The following PRKDC variants were observed in gnomAD, a reference collection of about 807,000 sequenced individuals.
The protein encoded by PRKDC is DNA-dependent protein kinase catalytic subunit.
PRKDC carries 82 observed loss-of-function variants against 486.9 expected under a neutral mutation model. The observed-to-expected ratio is 0.17, with a 90% CI of 0.14 to 0.20. The LOEUF (loss-of-function observed/expected upper bound fraction) is 0.20. Ranked by LOEUF, PRKDC falls within the 10% of genes least tolerant of loss-of-function variation. PRKDC has a pLI of 1.00. For missense variants in PRKDC, 4,504 were observed against 5,038.2 expected (o/e 0.89, Z 3.21); for synonymous variants, 1,895 against 1,837.0 (o/e 1.03, Z -0.81).
chr8:47,799,113 T>C (rs1479081950), intron 72 of PRKDC, 97 bp downstream of exon 72: 2 of 1,441,586 alleles, frequency 1.4e-6, no homozygotes, highest in Non-Finnish European at 9.4e-7. Context: ...ATATTTGTAA[T>C]TTGAAAACAA....
At chr8:47,829,905 A>G (rs1197900220) in intron 61 of PRKDC, among the ~76,000 whole-genome samples, 1 of 152,224 alleles carries the variant, frequency 6.6e-6, no homozygotes, top group Non-Finnish European at 1.5e-5. Flanking sequence ...AACATCATTT[A>G]TCACAGAACT....
intron 28 of PRKDC, among the ~76,000 whole-genome samples, 193 bp downstream of exon 28, chr8:47,900,180 A>C (rs981662722): frequency 6.6e-6 from 1 of 152,244 alleles, no homozygotes; most frequent in Non-Finnish European, 1.5e-5. Context: ...TGGTGAGTCA[A>C]AGAAAATAAG....
intron 40 of PRKDC, among the ~76,000 whole-genome samples, chr8:47,868,878 C>T (rs995087429): frequency 1.3e-5 from 2 of 152,194 alleles, no homozygotes; most frequent in Non-Finnish European, 2.9e-5. Context: ...AGGAAAAGCA[C>T]AGTGACGGGG....
intron 47 of PRKDC, 64 bp downstream of exon 47, chr8:47,858,785 T>C (rs1404283011): frequency 2.6e-6 from 4 of 1,540,938 alleles, no homozygotes; most frequent in African/African-American, 2.8e-5. Flanking sequence ...CAATATTAAA[T>C]GTTCATTCTC....
At position 47,895,201 on chromosome 8, in the gene PRKDC, C is replaced by T. The variant is rs1309254703; in HGVS notation, c.3599-1814G>A. On this transcript the variant is annotated intron_variant, in intron 30 of 85. Transcript: ENST00000314191. The stretch of plus-strand genomic sequence containing the variant: ...ACATAGTGAGACTTTGTCTCTAAAA[C>T]TGAAAAGGAAAAAAATAAAAGAAAA... Among the ~76,000 whole-genome samples the T allele has an allele frequency of 4.6e-5, 7 of 151,888 alleles. No individual in the cohort carries two copies. The South Asian group carries it at 1.5e-3, about 32-fold the overall frequency.
chr8:47,829,469 T>C (rs972788081), intron 61 of PRKDC, among the ~76,000 whole-genome samples: 3 of 152,190 alleles, frequency 2.0e-5, no homozygotes, highest in African/African-American at 4.8e-5. Context: ...TTTAAGATTA[T>C]ACTTAATATT....
chr8:47,889,236 T>C lies in PRKDC; in HGVS notation c.4072-14A>G. 1 of 1,580,792 alleles carries C rather than the reference T, an allele frequency of 6.3e-7. No homozygotes were observed. The highest frequency in any genetic ancestry group is 2.2e-5 in the East Asian group (1 of 44,476). On this transcript the variant is annotated splice_polypyrimidine_tract_variant and intron_variant, in intron 32 of 85. Transcript: ENST00000314191. ...CTTCTTCAGGAGCTGTAACAGATTG[T>C]TTGATAAAAACACTTCGTCAGCCAG...
At chr8:47,953,266 C>G (rs1204988788) in intron 7 of PRKDC, among the ~76,000 whole-genome samples, 4 of 152,154 alleles carry the variant, frequency 2.6e-5, no homozygotes, top group Admixed American at 2.6e-4. Flanking sequence ...AAGAAAGTAC[C>G]ACTGCACTCC....
rs2090286770 is a variant in PRKDC, at chr8:47,933,180, T to A, written c.1624-8A>T. Reference sequence around the variant, plus strand: ...ATCTGCTAAAATAGAATCCTTTAAATAAAGAAAAACAATAAACTTCAAAAT... The same window carrying A: ...ATCTGCTAAAATAGAATCCTTTAAAAAAAGAAAAACAATAAACTTCAAAAT... On this transcript the variant is annotated splice_polypyrimidine_tract_variant and splice_region_variant and intron_variant, in intron 15 of 85. Transcript: ENST00000314191. The A allele has an allele frequency of 1.4e-6, 2 of 1,476,484 alleles. No individual in the cohort carries two copies. Among genetic ancestry groups the A allele is most frequent in the African/African-American group, 1.5e-5 (1 of 68,912 alleles). 91.5% of individuals were successfully genotyped at this position (1,476,484 alleles called of 1,614,324 possible).
chr8:47,823,029 A>C (rs539820900), intron 64 of PRKDC, among the ~76,000 whole-genome samples: 1 of 152,134 alleles, frequency 6.6e-6, no homozygotes, highest in South Asian at 2.1e-4. Context: ...GTTTGGATCA[A>C]TGGGGGGCAG....
chr8:47,834,510 C>A, intron 58 of PRKDC, 114 bp from the exon 59 acceptor site: 2 of 1,069,146 alleles, frequency 1.9e-6, no homozygotes, highest in Non-Finnish European at 2.7e-6. Context: ...TGCTCAACTC[C>A]AACCCTGGGC....
intron 64 of PRKDC, among the ~76,000 whole-genome samples, chr8:47,822,283 A>AAG (rs1377295390): frequency 6.6e-6 from 1 of 151,500 alleles, no homozygotes. Context: ...ACCCTGTTTT[A>AAG]AGAGAGAAAA....
intron 36 of PRKDC, 36 bp downstream of exon 36, chr8:47,885,908 A>G (rs1366148409): frequency 1.9e-6 from 3 of 1,576,910 alleles, no homozygotes; most frequent in Non-Finnish European, 2.6e-6. Flanking sequence ...ACAAACAAAC[A>G]AAAAAAACAG....
In PRKDC at chr8:47,895,407, G is replaced by A. The variant is rs530782825; in HGVS notation, c.3598+1754C>T. Among the ~76,000 whole-genome samples, 3 of 152,238 alleles carry A rather than the reference G, an allele frequency of 2.0e-5. 1 individual carries two copies. The highest frequency in any genetic ancestry group is 7.2e-5 in the African/African-American group (3 of 41,530). On this transcript the variant is annotated intron_variant, in intron 30 of 85. Coordinates refer to ENST00000314191, the MANE Select transcript of PRKDC (RefSeq NM_006904.7). The stretch of plus-strand genomic sequence containing the variant: ...CCAACAAAACACAATGCTGAGAGGT[G>A]GAACTCTATTTAGTTCAGAATACAT...
In PRKDC at chr8:47,854,319, C is replaced by T. The variant is rs1461370898; in HGVS notation, c.6762-105G>A. 15 of 1,340,970 alleles carry T rather than the reference C, an allele frequency of 1.1e-5. No homozygotes were observed. The African/African-American group carries it at 1.2e-4, about 10-fold the overall frequency. 83.1% of individuals were successfully genotyped at this position (1,340,970 alleles called of 1,614,324 possible). On this transcript the variant is annotated intron_variant, in intron 50 of 85. Transcript: ENST00000314191. ...TTTTTTTGAGACAGAGTCTGACTCTCGCCCAGGCTGGAGTGCAGTGGCGTG... is the reference window on the plus strand; with the variant it reads ...TTTTTTTGAGACAGAGTCTGACTCTTGCCCAGGCTGGAGTGCAGTGGCGTG...
At chr8:47,854,344 G>T in intron 50 of PRKDC, 130 bp from the exon 51 acceptor site, 1 of 1,033,574 alleles carries the variant, frequency 9.7e-7, no homozygotes, top group Non-Finnish European at 1.4e-6. Flanking sequence ...GCAGTGGCGT[G>T]ACTGAGACGG....
rs762306619 is a variant in PRKDC, at chr8:47,854,241, T to C, written c.6762-27A>G. The stretch of plus-strand genomic sequence containing the variant: ...TGAAACATAAGCACAAAGGAGAAAA[T>C]TGAGACTGTTGCATAATCAAGTAAG... On this transcript the variant is annotated intron_variant, in intron 50 of 85. Transcript: ENST00000314191. 3.0e-5 allele frequency: 49 copies of C among 1,607,606 alleles called. No homozygotes were observed. The South Asian group carries it at 3.9e-4, about 13-fold the overall frequency.
chr8:47,834,495 C>T, intron 58 of PRKDC, 99 bp from the exon 59 acceptor site: 2 of 1,293,310 alleles, frequency 1.5e-6, no homozygotes, highest in Non-Finnish European at 2.1e-6. Flanking sequence ...CACCCTAGGC[C>T]TCCGTGCTCA....
intron 29 of PRKDC, among the ~76,000 whole-genome samples, chr8:47,897,977 A>G (rs8178086): frequency 0.011 from 1,636 of 152,268 alleles, 17 homozygotes; most frequent in Non-Finnish European, 0.018. Flanking sequence ...AGAAGGCAAC[A>G]CCACTAGGAT....
Sources: allele counts gnomAD v4.1 joint callset (sites outside exome capture counted in the v4.1 genomes callset), GRCh38; gene constraint gnomAD v4.1.1; transcripts MANE v1.5; gene names NCBI Gene and HGNC (gene_info 2026-07-23, HGNC 2026-07-21).